Variants in WASHC5 observed in about 807,000 individuals in gnomAD.
The protein encoded by WASHC5 is WASH complex subunit 5.
Under a neutral mutation model 150.4 loss-of-function variants are expected in WASHC5, and 101 were observed. That is an observed-to-expected ratio of 0.67 (90% confidence interval 0.57 to 0.79). The LOEUF (loss-of-function observed/expected upper bound fraction) is 0.79, where lower values mean the gene tolerates loss of function less well. Among genes scored for constraint, WASHC5 ranks in the 30% least tolerant of loss-of-function variants. The probability of loss-of-function intolerance (pLI) is 0.00; values close to 1 mark genes in which losing one functional copy is unlikely to be tolerated. For missense variants in WASHC5, 1,195 were observed against 1,396.3 expected (o/e 0.86, Z 2.30); for synonymous variants, 467 against 491.2 (o/e 0.95, Z 0.65).
At position 125,024,516 on chromosome 8, in the gene WASHC5, G is replaced by T; in HGVS notation, c.*101C>A. On this transcript the variant is annotated 3_prime_UTR_variant, in exon 29 of 29. Coordinates refer to ENST00000318410, the MANE Select transcript of WASHC5 (RefSeq NM_014846.4). ...GTTTCCCATAATAGACAGAAAAAATGCAGTTGTATGAGCAACTGAGTTTCT... is the reference window on the plus strand; with the variant it reads ...GTTTCCCATAATAGACAGAAAAAATTCAGTTGTATGAGCAACTGAGTTTCT... 2 of 848,554 alleles carry T rather than the reference G, an allele frequency of 2.4e-6. No individual in the cohort carries two copies. Among genetic ancestry groups the T allele is most frequent in the Non-Finnish European group, 4.1e-6 (2 of 487,890 alleles). 52.6% of individuals were successfully genotyped at this position (848,554 alleles called of 1,614,324 possible).
chr8:125,049,231 TC>T, intron 18 of WASHC5, 46 bp from the exon 19 acceptor site: 1 of 1,594,828 alleles, frequency 6.3e-7, no homozygotes, highest in Non-Finnish European at 8.6e-7. Context: ...GAGTAGATTG[TC>T]AACTATTCGT....
intron 1 of WASHC5, among the ~76,000 whole-genome samples, chr8:125,087,471 G>A (rs1429811183): frequency 6.6e-6 from 1 of 152,186 alleles, no homozygotes; most frequent in Admixed American, 6.5e-5. Context: ...GCTCACACCT[G>A]TAATCCTAGT....
At chr8:125,032,521 G>A in intron 26 of WASHC5, 127 bp from the exon 27 acceptor site, 1 of 1,078,016 alleles carries the variant, frequency 9.3e-7, no homozygotes, top group South Asian at 1.3e-5. Context: ...ATTTTGGAGG[G>A]AATGACAATT....
At chr8:125,028,235 A>G (rs1166402009) in intron 28 of WASHC5, among the ~76,000 whole-genome samples, 1 of 152,214 alleles carries the variant, frequency 6.6e-6, no homozygotes, top group Non-Finnish European at 1.5e-5. Flanking sequence ...TAGTTGTGGC[A>G]TGAACTTAAC....
At chr8:125,050,340 A>C (rs922565236) in intron 18 of WASHC5, among the ~76,000 whole-genome samples, 3 of 152,182 alleles carry the variant, frequency 2.0e-5, no homozygotes, top group African/African-American at 7.2e-5. Context: ...TAAAAATATG[A>C]AGTTTTAAAT....
chr8:125,060,191 T>C (rs112487983), intron 12 of WASHC5, among the ~76,000 whole-genome samples: 3,994 of 152,232 alleles, frequency 0.026, 183 homozygotes, highest in African/African-American at 0.092. Context: ...AATGATGTTT[T>C]AAATAATAGA....
At position 125,047,126 on chromosome 8, in the gene WASHC5, TA is replaced by T. The variant is rs1195363676; in HGVS notation, c.2504+80del. On this transcript the variant is annotated intron_variant, in intron 20 of 28. Transcript: ENST00000318410. ...AAGTGCAGGACCCCCGTGACTGGAA[TA>T]GGGGCTGTGCCACAGGGCCACAGAT... 1.2e-5 allele frequency: 18 copies of T among 1,544,224 alleles called. 1 individual carries two copies. The African/African-American group carries it at 1.8e-4, about 15-fold the overall frequency.
Position 125,061,190 on chromosome 8 carries a change from GT to G in WASHC5, c.1412del (p.Asn471ThrfsTer16). ...KPLTRVEKNE[N>X]LQAWFREISK... is the part of the protein sequence containing the mutation. ...AGATCTCTCTGAACCAAGCTTGAAG[GT>G]TTTCTAGTAATACAGAAATAAGAAA... On this transcript the variant is annotated frameshift_variant, in exon 12 of 29. Coordinates refer to ENST00000318410, the MANE Select transcript of WASHC5 (RefSeq NM_014846.4). LOFTEE classifies it high-confidence loss of function. The G allele has an allele frequency of 1.3e-6, 2 of 1,539,458 alleles. No individual in the cohort carries two copies. The highest frequency in any genetic ancestry group is 1.8e-6 in the Non-Finnish European group (2 of 1,112,514).
intron 19 of WASHC5, among the ~76,000 whole-genome samples, chr8:125,048,075 C>A (rs1206420653): frequency 6.6e-6 from 1 of 152,124 alleles, no homozygotes. Flanking sequence ...AGAAATACCA[C>A]ATATAACATT....
At chr8:125,030,637 T>TAAAAAAAAA (rs71295816) in intron 27 of WASHC5, among the ~76,000 whole-genome samples, 1 of 52,788 alleles carries the variant, frequency 1.9e-5, no homozygotes, top group African/African-American at 7.2e-5. Context: ...CTCTTTCTCA[T>TAAAAAAAAA]AAAAAAAAAA....
At chr8:125,058,754 G>A (rs1281474291) in intron 14 of WASHC5, among the ~76,000 whole-genome samples, 1 of 152,106 alleles carries the variant, frequency 6.6e-6, no homozygotes. Flanking sequence ...AAGACACTGA[G>A]TAGACTCTTT....
intron 23 of WASHC5, 104 bp downstream of exon 23, chr8:125,043,721 G>A (rs1244012999): frequency 1.3e-6 from 1 of 774,060 alleles, no homozygotes; most frequent in Non-Finnish European, 2.2e-6. Flanking sequence ...TTGATTTAAT[G>A]ACAAAAGAAA....
chr8:125,030,629 C>A, intron 27 of WASHC5, among the ~76,000 whole-genome samples: 1 of 117,422 alleles, frequency 8.5e-6, no homozygotes, highest in Non-Finnish European at 1.6e-5. Flanking sequence ...CAGAGCGACT[C>A]TTTCTCATAA....
At position 125,063,764 on chromosome 8, in the gene WASHC5, T is replaced by A. The variant is rs1301468440; in HGVS notation, c.1279-113A>T. 3.2e-6 allele frequency: 3 copies of A among 931,858 alleles called. No homozygotes were observed. The African/African-American group carries it at 5.0e-5, about 15-fold the overall frequency. The allele number at this position is 931,858 out of a possible 1,614,324, so 57.7% of individuals were successfully genotyped here. A position where few individuals can be genotyped will look rare whatever the true frequency, so the allele number is the denominator to read the frequency against. On this transcript the variant is annotated intron_variant, in intron 10 of 28. Transcript: ENST00000318410. ...AAATTTTAAATAAGAAGCTACACTA[T>A]AAATTAACATTGACCCTGATGTCAT...
At chr8:125,054,055 T>C (rs956780120) in intron 17 of WASHC5, among the ~76,000 whole-genome samples, 1 of 152,212 alleles carries the variant, frequency 6.6e-6, no homozygotes, top group Non-Finnish European at 1.5e-5. Context: ...ATTCGTACTA[T>C]GGATTGGTCT....
At chr8:125,078,407 A>C (rs571301712) in intron 6 of WASHC5, among the ~76,000 whole-genome samples, 3 of 152,232 alleles carry the variant, frequency 2.0e-5, no homozygotes, top group Non-Finnish European at 4.4e-5. Context: ...GGGCAGGGAC[A>C]TGGCCTGTCT....
chr8:125,051,897 A>C (rs11993478), intron 17 of WASHC5, among the ~76,000 whole-genome samples: 16,590 of 152,168 alleles, frequency 0.11, 2,115 homozygotes, highest in African/African-American at 0.31. Flanking sequence ...AAAAAGACTT[A>C]AAAGACATAA....
intron 19 of WASHC5, 103 bp downstream of exon 19, chr8:125,048,903 C>T: frequency 1.1e-6 from 1 of 935,366 alleles, no homozygotes; most frequent in Non-Finnish European, 1.6e-6. Flanking sequence ...GGTACTGAGA[C>T]TATCTAGTAA....
intron 28 of WASHC5, among the ~76,000 whole-genome samples, chr8:125,027,305 A>C (rs2129942084): frequency 6.6e-6 from 1 of 152,382 alleles, no homozygotes; most frequent in South Asian, 2.1e-4. Context: ...TATTCAAAAA[A>C]GATACCTGCA....
Sources: gnomAD v4.1 joint callset for allele counts (sites outside exome capture counted in the v4.1 genomes callset) on GRCh38, gnomAD v4.1.1 for gene constraint, MANE v1.5 for transcripts, NCBI Gene and HGNC (gene_info 2026-07-23, HGNC 2026-07-21) for gene names.